Variants in RANBP2 observed in about 807,000 individuals in gnomAD.
RANBP2 encodes E3 SUMO-protein ligase RanBP2.
RANBP2 carries 57 observed loss-of-function variants against 303.6 expected under a neutral mutation model. That is an observed-to-expected ratio of 0.19 (90% confidence interval 0.15 to 0.23). The LOEUF (loss-of-function observed/expected upper bound fraction) is 0.23. Ranked by LOEUF, RANBP2 falls within the 10% of genes least tolerant of loss-of-function variation. The pLI is 1.00. For synonymous variants in RANBP2, 1,167 were observed against 1,301.5 expected, an observed-to-expected ratio of 0.90 and a Z score of 2.23; for missense variants, 3,138 against 3,780.8, an observed-to-expected ratio of 0.83 and a Z score of 4.46.
rs1678409203 is a variant in RANBP2, at chr2:108,783,579, A to G, written c.9370-17A>G. The G allele has an allele frequency of 6.3e-7, 1 of 1,586,298 alleles. No individual in the cohort carries two copies. The highest frequency in any genetic ancestry group is 8.6e-7 in the Non-Finnish European group (1 of 1,162,584). On this transcript the variant is annotated splice_polypyrimidine_tract_variant and intron_variant, in intron 28 of 28. Coordinates refer to ENST00000283195, the MANE Select transcript of RANBP2 (RefSeq NM_006267.5). ...GAAAAAAATTTTTAACTTTTTTATTATAAATCTTTTTTTCAGGGAGGAGAT... is the reference window on the plus strand; with the variant it reads ...GAAAAAAATTTTTAACTTTTTTATTGTAAATCTTTTTTTCAGGGAGGAGAT...
the RANBP2 span, among the ~76,000 whole-genome samples, chr2:109,070,632 G>A: frequency 6.6e-6 from 1 of 152,206 alleles, no homozygotes; most frequent in African/African-American, 2.4e-5. Flanking sequence ...GGTAAAGGCA[G>A]GAGGATCACT....
At chr2:108,721,877 G>A (rs553626498) in intron 1 of RANBP2, among the ~76,000 whole-genome samples, 14 of 152,152 alleles carry the variant, frequency 9.2e-5, no homozygotes, top group Non-Finnish European at 4.4e-5. Context: ...GGGTAGCTGA[G>A]ACTACAGGCA....
chr2:109,546,246 A>C, the RANBP2 span: 12 of 1,533,722 alleles, frequency 7.8e-6, no homozygotes, highest in Non-Finnish European at 1.1e-5. Context: ...AGCTGGAAAC[A>C]AAAGTGCAAT....
At chr2:109,774,621 A>T in the RANBP2 span, among the ~76,000 whole-genome samples, 3 of 77,852 alleles carry the variant, frequency 3.9e-5, no homozygotes, top group Admixed American at 2.1e-4. Flanking sequence ...CTTGAGATTT[A>T]TTCTGAACTT....
At chr2:109,550,336 G>A in the RANBP2 span, among the ~76,000 whole-genome samples, 1 of 150,232 alleles carries the variant, frequency 6.7e-6, no homozygotes, top group South Asian at 2.1e-4. Context: ...TTTTTGAGAC[G>A]GATTCTCGCT....
the RANBP2 span, among the ~76,000 whole-genome samples, chr2:109,286,867 G>A: frequency 1.3e-5 from 2 of 152,234 alleles, no homozygotes; most frequent in African/African-American, 4.8e-5. Context: ...CTCTAAATTC[G>A]TTGACCGGTC....
the RANBP2 span, among the ~76,000 whole-genome samples, chr2:109,432,290 G>C: frequency 6.6e-6 from 1 of 152,202 alleles, no homozygotes. Flanking sequence ...CCTGCAGGCA[G>C]CTCCCCGAAG....
chr2:109,419,135 G>A, the RANBP2 span, among the ~76,000 whole-genome samples: 4 of 152,222 alleles, frequency 2.6e-5, no homozygotes, highest in African/African-American at 7.2e-5. Context: ...TTAATCTCCA[G>A]TTCCTGGGGA....
At chr2:109,641,242 G>A in the RANBP2 span, among the ~76,000 whole-genome samples, 4 of 152,036 alleles carry the variant, frequency 2.6e-5, no homozygotes, top group Admixed American at 2.0e-4. Context: ...AGGTTCAAAC[G>A]ATTCTCCTGT....
the RANBP2 span, among the ~76,000 whole-genome samples, chr2:108,999,260 T>G: frequency 1.3e-5 from 2 of 152,212 alleles, no homozygotes; most frequent in African/African-American, 4.8e-5. Context: ...GAGCATTAAA[T>G]GAGGTAACAT....
chr2:109,511,563 G>C, the RANBP2 span, among the ~76,000 whole-genome samples: 2 of 152,192 alleles, frequency 1.3e-5, no homozygotes, highest in African/African-American at 4.8e-5. Context: ...GCCAACCACT[G>C]TTGTGGCAAG....
At chr2:109,080,410 T>C in the RANBP2 span, among the ~76,000 whole-genome samples, 1 of 151,050 alleles carries the variant, frequency 6.6e-6, no homozygotes, top group African/African-American at 2.4e-5. Flanking sequence ...TTTGGGAGAG[T>C]GTCGGAGGGA....
chr2:109,162,508 C>T, the RANBP2 span, among the ~76,000 whole-genome samples: 11 of 152,196 alleles, frequency 7.2e-5, no homozygotes, highest in Admixed American at 7.2e-4. Flanking sequence ...TGGTGTGCTG[C>T]ACCCATTAAC....
At chr2:108,916,515 G>T in the RANBP2 span, among the ~76,000 whole-genome samples, 1 of 152,002 alleles carries the variant, frequency 6.6e-6, no homozygotes, top group African/African-American at 2.4e-5. Context: ...ACCCACAGGC[G>T]CCCACCTGCC....
chr2:108,773,314 C>T (rs1167470184), intron 23 of RANBP2, among the ~76,000 whole-genome samples: 2 of 151,794 alleles, frequency 1.3e-5, no homozygotes, highest in East Asian at 3.9e-4. Context: ...GACGGGATTT[C>T]GCCATGTTGG....
chr2:108,788,803 TG>T, downstream of RANBP2: 14 of 1,608,808 alleles, frequency 8.7e-6, no homozygotes, highest in Non-Finnish European at 1.2e-5. Flanking sequence ...CCAGATATTT[TG>T]TGATATATTG....
the RANBP2 span, among the ~76,000 whole-genome samples, chr2:109,660,061 A>G: frequency 1.2e-3 from 184 of 152,368 alleles, 2 homozygotes; most frequent in African/African-American, 4.2e-3. Flanking sequence ...CTTATTTCCT[A>G]GAAATGAATC....
At chr2:109,706,998 C>G in the RANBP2 span, among the ~76,000 whole-genome samples, 2 of 152,208 alleles carry the variant, frequency 1.3e-5, no homozygotes, top group African/African-American at 4.8e-5. Context: ...GACCCACCAG[C>G]TGCTCACAGT....
the RANBP2 span, among the ~76,000 whole-genome samples, chr2:109,255,069 A>C: frequency 2.0e-5 from 3 of 152,210 alleles, no homozygotes; most frequent in Non-Finnish European, 4.4e-5. Context: ...CCTAAGGCTA[A>C]AAGACACAAG....
Sources: gnomAD v4.1 joint callset for allele counts (sites outside exome capture counted in the v4.1 genomes callset) on GRCh38, gnomAD v4.1.1 for gene constraint, MANE v1.5 for transcripts, NCBI Gene and HGNC (gene_info 2026-07-23, HGNC 2026-07-21) for gene names.